Variants in EHBP1 observed in about 807,000 individuals in gnomAD.
The protein encoded by EHBP1 is EH domain-binding protein 1.
Under a neutral mutation model 144.0 loss-of-function variants are expected in EHBP1, and 55 were observed. The observed-to-expected ratio is 0.38, with a 90% CI of 0.31 to 0.48. The LOEUF is 0.48. Ranked by LOEUF, EHBP1 falls within the 20% of genes least tolerant of loss-of-function variation. EHBP1 has a pLI of 0.98. For missense variants in EHBP1, 1,200 were observed against 1,364.2 expected, an observed-to-expected ratio of 0.88 and a Z score of 1.90; for synonymous variants, 469 against 472.7, an observed-to-expected ratio of 0.99 and a Z score of 0.10.
At chr2:62,882,283 T>G (rs1225838095) in intron 10 of EHBP1, among the ~76,000 whole-genome samples, 2 of 152,170 alleles carry the variant, frequency 1.3e-5, no homozygotes, top group Non-Finnish European at 1.5e-5. Flanking sequence ...TGACTTAAAT[T>G]CTGTCTTGCT....
chr2:62,968,375 C>T (rs1202995516), intron 14 of EHBP1, among the ~76,000 whole-genome samples: 3 of 152,070 alleles, frequency 2.0e-5, no homozygotes, highest in African/African-American at 7.2e-5. Flanking sequence ...TAGAGTATGT[C>T]ATTTCAGTAC....
At chr2:62,837,406 C>A (rs1303139070) in intron 7 of EHBP1, among the ~76,000 whole-genome samples, 1 of 148,296 alleles carries the variant, frequency 6.7e-6, no homozygotes, top group Non-Finnish European at 1.5e-5. Context: ...TAAAGACCAT[C>A]GAGACTAGGA....
At chr2:62,906,632 A>G (rs2053832935) in intron 10 of EHBP1, among the ~76,000 whole-genome samples, 2 of 152,224 alleles carry the variant, frequency 1.3e-5, no homozygotes, top group African/African-American at 4.8e-5. Context: ...TAATACAAAG[A>G]GATCCCATGT....
rs2042376508 is a variant in EHBP1, at chr2:62,780,908, G to A, written c.312+9516G>A. Among the ~76,000 whole-genome samples the A allele has an allele frequency of 2.7e-5, 3 of 112,346 alleles. 1 individual carries two copies. In the South Asian group the frequency reaches 7.9e-4, roughly 30 times the overall value. The allele number at this position is 112,346 out of a possible 152,430, so 73.7% of individuals were successfully genotyped here. The stretch of plus-strand genomic sequence containing the variant: ...TGAGTTTTGTCCCTGTTCAGTATTT[G>A]GAGATTATTCGTCTTTATTGACATT... On this transcript the variant is annotated intron_variant, in intron 5 of 22. Transcript: ENST00000431489.
At chr2:62,833,800 T>C (rs2047006991) in intron 7 of EHBP1, among the ~76,000 whole-genome samples, 3 of 152,204 alleles carry the variant, frequency 2.0e-5, no homozygotes, top group Admixed American at 6.5e-5. Flanking sequence ...CTGTCATAGG[T>C]AGTGATTCCT....
rs887162530 is a variant in EHBP1, at chr2:62,858,645, T to C, written c.635-524T>C. The C allele has an allele frequency of 8.1e-6, 5 of 615,874 alleles. No individual in the cohort carries two copies. The Admixed American group carries it at 1.0e-4, about 13-fold the overall frequency. 38.2% of individuals were successfully genotyped at this position (615,874 alleles called of 1,614,324 possible). A position where few individuals can be genotyped will look rare whatever the true frequency, so the allele number is the denominator to read the frequency against. On this transcript the variant is annotated intron_variant, in intron 7 of 22. Coordinates refer to ENST00000431489, the MANE Select transcript of EHBP1 (RefSeq NM_001142616.3). The stretch of plus-strand genomic sequence containing the variant: ...TTCCTTGAATGTTTTCTTTGGTAAT[T>C]TGTAGTGCACCAACAGGCAACAAGA...
chr2:63,006,255 T>A (rs957327492), intron 19 of EHBP1, among the ~76,000 whole-genome samples: 4 of 151,902 alleles, frequency 2.6e-5, no homozygotes, highest in East Asian at 3.9e-4. Flanking sequence ...ATTTTTTTTT[T>A]AAATCCCATC....
At chr2:62,709,745 GTACTTAA>G (rs948387111) in intron 2 of EHBP1, among the ~76,000 whole-genome samples, 2 of 151,680 alleles carry the variant, frequency 1.3e-5, no homozygotes, top group South Asian at 2.1e-4. Flanking sequence ...AGTATTGGGG[GTACTTAA>G]TACTTAGTAC....
At chr2:62,727,820 A>C (rs549231485) in intron 2 of EHBP1, among the ~76,000 whole-genome samples, 45 of 152,338 alleles carry the variant, frequency 3.0e-4, no homozygotes, top group Non-Finnish European at 5.9e-4. Context: ...AAAAATTAAC[A>C]TAGGGCCAAG....
chr2:62,993,890 A>G lies in EHBP1; in HGVS notation c.2892A>G (p.Ser964=). 1.3e-6 allele frequency: 2 copies of G among 1,584,192 alleles called. No homozygotes were observed. Among genetic ancestry groups the G allele is most frequent in the East Asian group, 2.3e-5 (1 of 44,264 alleles). The change falls in exon 18 of 23, where the codon TCA becomes TCG. Residue 964 remains serine (S), a synonymous_variant. Transcript: ENST00000431489. The stretch of plus-strand genomic sequence containing the variant: ...TTTAAGAGATGAAAAGGCAGAGATC[A>G]ATACAGGAAGATACAAAGAAAGGAA... The part of the protein sequence containing the change: ...ENRPEMKRQR[S]IQEDTKKGNE...
chr2:62,952,989 C>T (rs1180524030), intron 13 of EHBP1, among the ~76,000 whole-genome samples: 2 of 151,820 alleles, frequency 1.3e-5, no homozygotes, highest in Admixed American at 6.6e-5. Context: ...GAGGCCAAGG[C>T]GGGTGGATCA....
chr2:62,864,852 A>G lies in EHBP1; in HGVS notation c.879A>G (p.Ala293=). The change falls in exon 9 of 23, where the codon GCA becomes GCG. Residue 293 remains alanine (A), a synonymous_variant. Transcript: ENST00000431489. ...TGAACCCATTCGATGAGCCAGAAGC[A>G]TTTGTGACCATAAAGGATTCTCCTC... The part of the protein sequence containing the change: ...QYLNPFDEPE[A]FVTIKDSPPQ... 6.2e-7 allele frequency: 1 copy of G among 1,614,124 alleles called. No individual in the cohort carries two copies. Among genetic ancestry groups the G allele is most frequent in the Non-Finnish European group, 8.5e-7 (1 of 1,179,994 alleles).
At chr2:62,711,888 G>A (rs1314311143) in intron 2 of EHBP1, among the ~76,000 whole-genome samples, 2 of 152,154 alleles carry the variant, frequency 1.3e-5, no homozygotes, top group African/African-American at 4.8e-5. Flanking sequence ...TCAATGGAGT[G>A]GTGGAGATGA....
intron 8 of EHBP1, among the ~76,000 whole-genome samples, chr2:62,861,124 CTTTT>C (rs935207202): frequency 1.1e-5 from 1 of 94,206 alleles, no homozygotes; most frequent in African/African-American, 4.5e-5. Flanking sequence ...GCTTGAGTGG[CTTTT>C]TTTTTTTTTT....
In EHBP1 at chr2:62,996,696, G is replaced by A. The variant is rs1285736593; in HGVS notation, c.3033G>A (p.Glu1011=). The A allele has an allele frequency of 1.9e-6, 3 of 1,613,318 alleles. No individual in the cohort carries two copies. The East Asian group carries it at 6.7e-5, about 36-fold the overall frequency. The part of the protein sequence containing the change: ...QYVVGELAAL[E]NEQKQIDTRA... Reference sequence around the variant, plus strand: ...TAGTAGGAGAATTGGCAGCACTAGAGAATGAGCAAAAGCAAATTGACACCC... The same window carrying A: ...TAGTAGGAGAATTGGCAGCACTAGAAAATGAGCAAAAGCAAATTGACACCC... Residue 1011 remains glutamate (E), a synonymous_variant, in exon 19 of 23, where the codon GAG becomes GAA. Transcript: ENST00000431489.
chr2:62,970,211 G>C (rs1361131119), intron 14 of EHBP1, among the ~76,000 whole-genome samples: 1 of 151,724 alleles, frequency 6.6e-6, no homozygotes, highest in East Asian at 1.9e-4. Flanking sequence ...GAATTTCATG[G>C]ACCATTTTGA....
At chr2:62,704,682 G>A (rs1009305225), upstream of EHBP1, among the ~76,000 whole-genome samples, 3 of 152,072 alleles carry the variant, frequency 2.0e-5, no homozygotes, top group Admixed American at 2.0e-4. Context: ...TAGATGCTAG[G>A]ATTCCCCTGA....
In EHBP1 at chr2:62,858,438, T is replaced by A. The variant is rs1361462872; in HGVS notation, c.635-731T>A. The A allele has an allele frequency of 2.5e-6, 4 of 1,611,050 alleles. No individual in the cohort carries two copies. The South Asian group carries it at 3.3e-5, about 13-fold the overall frequency. ...AAACCAGTTGAATGCTCTGAGCAGC[T>A]TAGATGAAGATCAAGATGACTGCAT... On this transcript the variant is annotated intron_variant, in intron 7 of 22. Coordinates refer to ENST00000431489, the MANE Select transcript of EHBP1 (RefSeq NM_001142616.3).
At chr2:62,986,486 A>G (rs1188597269) in intron 15 of EHBP1, among the ~76,000 whole-genome samples, 4 of 135,242 alleles carry the variant, frequency 3.0e-5, no homozygotes, top group African/African-American at 1.1e-4. Context: ...TCTTTCACCC[A>G]GGCTGGAGTG....
Sources: allele counts gnomAD v4.1 joint callset (sites outside exome capture counted in the v4.1 genomes callset), GRCh38; gene constraint gnomAD v4.1.1; transcripts MANE v1.5; gene names NCBI Gene and HGNC (gene_info 2026-07-23, HGNC 2026-07-21).